TRMT11: variants seen among roughly 807,000 people sequenced by gnomAD.
TRMT11 encodes the protein tRNA (guanine(10)-N(2))-methyltransferase TRMT11.
In TRMT11, 53 loss-of-function variants were observed where a neutral mutation model predicts 62.8. That is an observed-to-expected ratio of 0.84 (90% CI 0.68 to 1.06). The LOEUF (loss-of-function observed/expected upper bound fraction) is 1.06. Ranked by LOEUF, TRMT11 falls within the 50% of genes least tolerant of loss-of-function variation. The pLI is 0.00. For missense variants in TRMT11, 556 were observed against 553.4 expected, an observed-to-expected ratio of 1.00 and a Z score of -0.05; for synonymous variants, 188 against 190.3, an observed-to-expected ratio of 0.99 and a Z score of 0.10.
At chr6:126,211,069 TACAA>T in the TRMT11 span, among the ~76,000 whole-genome samples, 2 of 150,660 alleles carry the variant, frequency 1.3e-5, no homozygotes, top group African/African-American at 2.4e-5. Context: ...CCAAGGTGAA[TACAA>T]ACAATGAGAG....
chr6:126,201,675 C>T (rs9491587), intron 3 of TRMT11, among the ~76,000 whole-genome samples: 14,310 of 152,150 alleles, frequency 0.094, 2,263 homozygotes, highest in African/African-American at 0.32. Flanking sequence ...TCTTCTTATT[C>T]CTTTTTTTCT....
At chr6:126,148,036 T>G (rs1438699968) in intron 21 of TRMT11, among the ~76,000 whole-genome samples, 2 of 152,132 alleles carry the variant, frequency 1.3e-5, no homozygotes, top group African/African-American at 4.8e-5. Flanking sequence ...CCCCAGAACT[T>G]AAAGTATAAT....
At chr6:126,236,095 G>A in the TRMT11 span, among the ~76,000 whole-genome samples, 1 of 152,196 alleles carries the variant, frequency 6.6e-6, no homozygotes, top group Non-Finnish European at 1.5e-5. Flanking sequence ...ATTATACTCA[G>A]GAAGTAAGCT....
In TRMT11 at chr6:126,038,614, T is replaced by G. The variant is rs533244441; in HGVS notation, c.1261-91T>G. 61 of 1,132,190 alleles carry G rather than the reference T, an allele frequency of 5.4e-5. 1 individual carries two copies. The African/African-American group carries it at 7.5e-4, about 14-fold the overall frequency. 70.1% of individuals were successfully genotyped at this position (1,132,190 alleles called of 1,614,324 possible). ...TAAATATGCACTAGAGAGTGAGATTTTGCTTAAGATTTTGCTTAAGGTAAA... is the reference window on the plus strand; with the variant it reads ...TAAATATGCACTAGAGAGTGAGATTGTGCTTAAGATTTTGCTTAAGGTAAA... On this transcript the variant is annotated intron_variant, in intron 12 of 12. Transcript: ENST00000334379.
the TRMT11 span, among the ~76,000 whole-genome samples, chr6:126,240,348 C>T: frequency 3.3e-5 from 5 of 151,940 alleles, no homozygotes. Flanking sequence ...TTTTATCTAC[C>T]TTTGGTCTTT....
At chr6:126,142,825 T>G (rs942527109) in intron 21 of TRMT11, among the ~76,000 whole-genome samples, 1 of 152,242 alleles carries the variant, frequency 6.6e-6, no homozygotes, top group East Asian at 1.9e-4. Context: ...AGAAAATATC[T>G]GACCTTGGTA....
intron 21 of TRMT11, among the ~76,000 whole-genome samples, chr6:126,125,551 G>A (rs1395330249): frequency 6.6e-6 from 1 of 151,890 alleles, no homozygotes; most frequent in African/African-American, 2.4e-5. Flanking sequence ...TATTTATCAA[G>A]GTTCTATTAT....
chr6:126,134,649 A>T (rs1376368075), intron 21 of TRMT11, among the ~76,000 whole-genome samples: 1 of 151,910 alleles, frequency 6.6e-6, no homozygotes, highest in East Asian at 1.9e-4. Flanking sequence ...TGGACTTAAC[A>T]TACCTTTAGA....
chr6:126,125,813 C>G (rs1276771525), intron 21 of TRMT11, among the ~76,000 whole-genome samples: 1 of 151,846 alleles, frequency 6.6e-6, no homozygotes, highest in Non-Finnish European at 1.5e-5. Flanking sequence ...GTAACTTACC[C>G]CTTTTTAAGC....
chr6:126,207,476 C>G (rs1778801401), downstream of TRMT11, among the ~76,000 whole-genome samples: 1 of 152,204 alleles, frequency 6.6e-6, no homozygotes. Context: ...TGTCTTAATT[C>G]TCTTTGGCCT....
chr6:126,222,619 C>T, the TRMT11 span, among the ~76,000 whole-genome samples: 1 of 151,670 alleles, frequency 6.6e-6, no homozygotes, highest in Admixed American at 6.6e-5. Flanking sequence ...TGATTTGTCT[C>T]TCAACTTGGA....
chr6:126,175,796 A>G (rs940416267), upstream of TRMT11, among the ~76,000 whole-genome samples: 2 of 152,216 alleles, frequency 1.3e-5, no homozygotes, highest in Non-Finnish European at 2.9e-5. Flanking sequence ...TGGGATTGTT[A>G]GAACTAAAGT....
At chr6:126,218,235 A>C in the TRMT11 span, among the ~76,000 whole-genome samples, 442 of 152,312 alleles carry the variant, frequency 2.9e-3, 5 homozygotes, top group African/African-American at 0.01. Context: ...TCGGTACCTA[A>C]GCAGCAAGAC....
At chr6:126,016,471 A>G (rs1434822782) in intron 11 of TRMT11, among the ~76,000 whole-genome samples, 1 of 152,154 alleles carries the variant, frequency 6.6e-6, no homozygotes, top group Non-Finnish European at 1.5e-5. Flanking sequence ...TTTAATTATA[A>G]TCAAAATCAT....
chr6:126,211,236 T>C, the TRMT11 span, among the ~76,000 whole-genome samples: 1 of 152,174 alleles, frequency 6.6e-6, no homozygotes, highest in Non-Finnish European at 1.5e-5. Context: ...AGTCTTGTAT[T>C]GTGTTAGACT....
chr6:126,160,569 G>A (rs1244110411), intron 21 of TRMT11, among the ~76,000 whole-genome samples: 1 of 152,024 alleles, frequency 6.6e-6, no homozygotes, highest in Admixed American at 6.6e-5. Context: ...CGCTCCTCCT[G>A]GTGACTGTGT....
intron 1 of TRMT11, among the ~76,000 whole-genome samples, chr6:125,992,455 T>C (rs77001016): frequency 6.6e-6 from 1 of 152,242 alleles, no homozygotes; most frequent in Non-Finnish European, 1.5e-5. Context: ...TTATTTTTTT[T>C]CTTTTAAGTG....
At chr6:126,180,520 G>A (rs898524875) in intron 1 of TRMT11, among the ~76,000 whole-genome samples, 58 of 152,322 alleles carry the variant, frequency 3.8e-4, no homozygotes, top group African/African-American at 1.4e-3. Flanking sequence ...AGAAAATTTA[G>A]TGTTAGAGTT....
At chr6:126,043,020 C>T (rs960566946), downstream of TRMT11, among the ~76,000 whole-genome samples, 3 of 151,908 alleles carry the variant, frequency 2.0e-5, no homozygotes, top group Admixed American at 6.6e-5. Flanking sequence ...ATTGCCTTTG[C>T]ATTTTTCCAT....
Sources: gnomAD v4.1 joint callset for allele counts (sites outside exome capture counted in the v4.1 genomes callset) on GRCh38, gnomAD v4.1.1 for gene constraint, MANE v1.5 for transcripts, NCBI Gene and HGNC (gene_info 2026-07-23, HGNC 2026-07-21) for gene names.